RPH3A: variants seen among roughly 807,000 people sequenced by gnomAD.
The protein encoded by RPH3A is rabphilin 3A.
RPH3A carries 48 observed loss-of-function variants against 102.2 expected under a neutral mutation model. The observed-to-expected ratio is 0.47, with a 90% confidence interval of 0.37 to 0.60. The LOEUF is 0.60. Ranked by LOEUF, RPH3A falls within the 20% of genes least tolerant of loss-of-function variation. The pLI is 0.00. For missense variants in RPH3A, 781 were observed against 910.1 expected, an observed-to-expected ratio of 0.86 and a Z score of 1.83; for synonymous variants, 310 against 324.3, an observed-to-expected ratio of 0.96 and a Z score of 0.47.
chr12:112,740,429 C>G (rs771667067), intron 1 of RPH3A, among the ~76,000 whole-genome samples: 1 of 152,152 alleles, frequency 6.6e-6, no homozygotes, highest in Admixed American at 6.5e-5. Flanking sequence ...AAAATACACT[C>G]CAGTGACTAA....
intron 1 of RPH3A, among the ~76,000 whole-genome samples, chr12:112,606,681 G>T (rs942198725): frequency 3.3e-5 from 5 of 152,292 alleles, no homozygotes; most frequent in East Asian, 3.9e-4. Context: ...GATGCGGAGG[G>T]CTCAGGAAAC....
At chr12:112,591,904 A>T (rs1326263548) in intron 1 of RPH3A, among the ~76,000 whole-genome samples, 1 of 152,172 alleles carries the variant, frequency 6.6e-6, no homozygotes, top group East Asian at 1.9e-4. Flanking sequence ...GTCCCTCAGT[A>T]TCCCCGGGGT....
intron 2 of RPH3A, among the ~76,000 whole-genome samples, chr12:112,809,232 T>C (rs768151295): frequency 1.3e-5 from 2 of 152,172 alleles, no homozygotes; most frequent in Non-Finnish European, 2.9e-5. Flanking sequence ...TGAGGGCTGT[T>C]GTTTGGTATG....
At chr12:112,676,569 C>A (rs1211941155) in intron 1 of RPH3A, among the ~76,000 whole-genome samples, 4 of 152,232 alleles carry the variant, frequency 2.6e-5, no homozygotes, top group African/African-American at 4.8e-5. Flanking sequence ...AGCGACTAGG[C>A]CTTCCTTTAA....
intron 1 of RPH3A, among the ~76,000 whole-genome samples, chr12:112,668,302 A>C (rs929939730): frequency 1.3e-5 from 2 of 152,340 alleles, no homozygotes; most frequent in African/African-American, 4.8e-5. Flanking sequence ...GAACAGGTAG[A>C]TAATGATCTA....
chr12:112,823,091 A>C (rs12317841), intron 2 of RPH3A, among the ~76,000 whole-genome samples: 32,442 of 152,104 alleles, frequency 0.21, 5,265 homozygotes, highest in African/African-American at 0.45. Context: ...CTCTCAGTGT[A>C]GCCTGGGAGA....
At chr12:112,611,902 C>A (rs1308840394) in intron 1 of RPH3A, among the ~76,000 whole-genome samples, 1 of 152,130 alleles carries the variant, frequency 6.6e-6, no homozygotes, top group East Asian at 1.9e-4. Flanking sequence ...AACTGTCCCT[C>A]CTACTCCTTA....
At chr12:112,807,595 T>C (rs1329439415) in intron 2 of RPH3A, among the ~76,000 whole-genome samples, 1 of 152,220 alleles carries the variant, frequency 6.6e-6, no homozygotes, top group Admixed American at 6.5e-5. Context: ...AACTACCTTA[T>C]TGGGTTGTTT....
At chr12:112,748,893 T>TA (rs1399006923) in intron 1 of RPH3A, among the ~76,000 whole-genome samples, 3 of 152,072 alleles carry the variant, frequency 2.0e-5, no homozygotes, top group African/African-American at 7.3e-5. Context: ...TTTTTTTTTT[T>TA]AATTATGCCA....
At chr12:112,695,232 T>C (rs998805711) in intron 1 of RPH3A, 2 of 168,396 alleles carry the variant, frequency 1.2e-5, no homozygotes, top group African/African-American at 2.4e-5. Context: ...ATCAGAGATG[T>C]ATAGACTTAA....
chr12:112,581,224 G>A (rs777553190), intron 1 of RPH3A, among the ~76,000 whole-genome samples: 2 of 152,140 alleles, frequency 1.3e-5, no homozygotes, highest in Non-Finnish European at 2.9e-5. Context: ...CACATGACTG[G>A]GGAGGCCTCA....
chr12:112,804,137 C>G (rs112818658), intron 2 of RPH3A, among the ~76,000 whole-genome samples: 6,134 of 152,184 alleles, frequency 0.04, 403 homozygotes, highest in African/African-American at 0.14. Flanking sequence ...AGGAACTGTG[C>G]CCCATAGAGG....
chr12:112,846,301 G>C (rs978383307), intron 4 of RPH3A, among the ~76,000 whole-genome samples: 1 of 152,190 alleles, frequency 6.6e-6, no homozygotes, highest in Admixed American at 6.5e-5. Flanking sequence ...TTCTGAGCAA[G>C]GGGTTTGAGC....
chr12:112,758,545 C>A (rs1407219493), intron 1 of RPH3A, among the ~76,000 whole-genome samples: 2 of 152,218 alleles, frequency 1.3e-5, no homozygotes, highest in Admixed American at 6.5e-5. Flanking sequence ...TATGTGAGAA[C>A]TTTATGCTAA....
intron 5 of RPH3A, among the ~76,000 whole-genome samples, chr12:112,864,305 G>T (rs753313964): frequency 9.9e-5 from 15 of 152,104 alleles, no homozygotes; most frequent in Non-Finnish European, 1.8e-4. Flanking sequence ...ACAAAAATTA[G>T]CCCAGCATGG....
At chr12:112,578,843 G>A (rs551778742) in intron 1 of RPH3A, among the ~76,000 whole-genome samples, 14 of 152,268 alleles carry the variant, frequency 9.2e-5, no homozygotes, top group African/African-American at 2.9e-4. Flanking sequence ...CCATCTATAG[G>A]AGCAGCAGCA....
At position 112,636,500 on chromosome 12, in the gene RPH3A, C is replaced by T. The variant is rs2135989070; in HGVS notation, c.-140+61181C>T. Among the ~76,000 whole-genome samples the T allele has an allele frequency of 1.3e-5, 2 of 152,258 alleles. 1 individual carries two copies. Among genetic ancestry groups the T allele is most frequent in the Non-Finnish European group, 2.9e-5 (2 of 68,006 alleles). ...TTTGGTCTTCATGATGGCTAGGGAA[C>T]ATTCTTGGAATTTGATGGGTGGGGC... On this transcript the variant is annotated intron_variant, in intron 1 of 21. Coordinates refer to the RPH3A transcript ENST00000543106.
chr12:112,826,828 C>A (rs1949376735), intron 2 of RPH3A, among the ~76,000 whole-genome samples: 1 of 152,190 alleles, frequency 6.6e-6, no homozygotes, highest in African/African-American at 2.4e-5. Flanking sequence ...ATGGCTTTAT[C>A]TGCTCTCTGT....
intron 1 of RPH3A, chr12:112,617,937 A>G (rs2039694241): frequency 6.6e-6 from 1 of 152,250 alleles, no homozygotes; most frequent in Admixed American, 6.5e-5. Flanking sequence ...ATAAGGCAGA[A>G]GAGTGTAAAG....
Sources: gnomAD v4.1 joint callset for allele counts (sites outside exome capture counted in the v4.1 genomes callset) on GRCh38, gnomAD v4.1.1 for gene constraint, MANE v1.5 for transcripts, NCBI Gene and HGNC (gene_info 2026-07-23, HGNC 2026-07-21) for gene names.